Variants in NEGR1 observed in about 807,000 individuals in gnomAD.
The protein encoded by NEGR1 is neuronal growth regulator 1.
Under a neutral mutation model 40.9 loss-of-function variants are expected in NEGR1, and 10 were observed. That is an observed-to-expected ratio of 0.24 (90% CI 0.15 to 0.42). The LOEUF is 0.42. Among genes scored for constraint, NEGR1 ranks in the 10% least tolerant of loss-of-function variants. The pLI is 1.00. For synonymous variants in NEGR1, 185 were observed against 166.8 expected, an observed-to-expected ratio of 1.11 and a Z score of -0.84; for missense variants, 352 against 438.9, an observed-to-expected ratio of 0.80 and a Z score of 1.77.
At position 71,611,014 on chromosome 1, in the gene NEGR1, C is replaced by A. The variant is rs1342713091; in HGVS notation, c.788+12G>T. The A allele has an allele frequency of 6.2e-7, 1 of 1,613,174 alleles. No individual in the cohort carries two copies. Among genetic ancestry groups the A allele is most frequent in the Non-Finnish European group, 8.5e-7 (1 of 1,179,574 alleles). ...AGTGCTTAGAACACAGTAATAATCA[C>A]AAAGTCCTCACTTCTTCTCTCCTTT... is the stretch of plus-strand genomic sequence containing the variant. On this transcript the variant is annotated intron_variant, in intron 5 of 6. Coordinates refer to ENST00000357731, the MANE Select transcript of NEGR1 (RefSeq NM_173808.3).
At chr1:72,030,447 C>A (rs1646847244) in intron 1 of NEGR1, among the ~76,000 whole-genome samples, 1 of 152,024 alleles carries the variant, frequency 6.6e-6, no homozygotes, top group Non-Finnish European at 1.5e-5. Flanking sequence ...TATGGGTAGG[C>A]ATATTTAAAA....
At chr1:71,468,601 C>G (rs1363505021) in intron 6 of NEGR1, 3 of 151,970 alleles carry the variant, frequency 2.0e-5, no homozygotes, top group African/African-American at 7.2e-5. Context: ...TAAAACAGAT[C>G]TACAGCCTGC....
At chr1:71,852,989 G>A (rs1659654996) in intron 2 of NEGR1, among the ~76,000 whole-genome samples, 1 of 152,012 alleles carries the variant, frequency 6.6e-6, no homozygotes, top group African/African-American at 2.4e-5. Flanking sequence ...GTGGTATAAC[G>A]AATTTGGACA....
chr1:71,987,029 A>G (rs529980167), intron 1 of NEGR1, among the ~76,000 whole-genome samples: 1 of 152,272 alleles, frequency 6.6e-6, no homozygotes, highest in African/African-American at 2.4e-5. Context: ...CTAAAAGCAG[A>G]ATTTTGAGTG....
chr1:71,767,132 G>GT (rs1223948313), intron 3 of NEGR1, among the ~76,000 whole-genome samples: 1 of 152,192 alleles, frequency 6.6e-6, no homozygotes, highest in Non-Finnish European at 1.5e-5. Flanking sequence ...AAAGATACCT[G>GT]AAAATGTAGA....
At chr1:71,630,574 T>C (rs914194057) in intron 4 of NEGR1, among the ~76,000 whole-genome samples, 2 of 151,874 alleles carry the variant, frequency 1.3e-5, no homozygotes, top group African/African-American at 4.8e-5. Flanking sequence ...GGTTTTATGT[T>C]CTTCTTCCTG....
chr1:71,897,236 C>T (rs1660999811), intron 2 of NEGR1, among the ~76,000 whole-genome samples: 1 of 152,038 alleles, frequency 6.6e-6, no homozygotes. Context: ...TTTGACAGAA[C>T]ATCAGATTCT....
chr1:71,616,136 C>T (rs1650438736), intron 4 of NEGR1, among the ~76,000 whole-genome samples: 1 of 152,136 alleles, frequency 6.6e-6, no homozygotes, highest in Non-Finnish European at 1.5e-5. Flanking sequence ...TTGTGATGTA[C>T]ATGTATGTCT....
intron 2 of NEGR1, among the ~76,000 whole-genome samples, chr1:71,909,025 C>T (rs1474594446): frequency 6.6e-6 from 1 of 152,102 alleles, no homozygotes; most frequent in African/African-American, 2.4e-5. Context: ...GGTTTTTAAA[C>T]ATGCAACTCC....
At chr1:72,200,606 G>A (rs912135201) in intron 1 of NEGR1, among the ~76,000 whole-genome samples, 32 of 151,954 alleles carry the variant, frequency 2.1e-4, no homozygotes, top group Non-Finnish European at 4.0e-4. Flanking sequence ...AAATGTACCC[G>A]TGTAAAAAAC....
intron 6 of NEGR1, among the ~76,000 whole-genome samples, chr1:71,573,854 C>A (rs185310667): frequency 2.6e-5 from 4 of 152,198 alleles, no homozygotes; most frequent in Admixed American, 1.3e-4. Context: ...AGGACCCAAC[C>A]AGAATTCCCC....
chr1:71,672,434 G>A (rs927236823), intron 4 of NEGR1, among the ~76,000 whole-genome samples: 5 of 152,006 alleles, frequency 3.3e-5, no homozygotes, highest in Non-Finnish European at 7.4e-5. Context: ...ATTCTATTAA[G>A]GCAGAGACCA....
intron 1 of NEGR1, among the ~76,000 whole-genome samples, chr1:72,044,625 C>G (rs559542776): frequency 9.2e-5 from 14 of 151,688 alleles, no homozygotes; most frequent in Admixed American, 7.2e-4. Context: ...AATAGAGTAT[C>G]ATAAAATCAT....
chr1:71,625,705 T>G (rs1407053063), intron 4 of NEGR1, among the ~76,000 whole-genome samples: 1 of 151,676 alleles, frequency 6.6e-6, no homozygotes, highest in African/African-American at 2.4e-5. Flanking sequence ...TTTAACATAT[T>G]TGTTAGAATA....
intron 1 of NEGR1, among the ~76,000 whole-genome samples, chr1:72,197,855 A>G (rs946994204): frequency 1.3e-5 from 2 of 152,048 alleles, no homozygotes; most frequent in Non-Finnish European, 2.9e-5. Context: ...TAAGACTTTC[A>G]TTAGCCCTGG....
At chr1:72,184,448 A>T (rs1652535167) in intron 1 of NEGR1, among the ~76,000 whole-genome samples, 1 of 152,072 alleles carries the variant, frequency 6.6e-6, no homozygotes, top group South Asian at 2.1e-4. Flanking sequence ...AACAAAGAAT[A>T]AGCTCCATGA....
At chr1:71,708,672 G>A (rs1653982417) in intron 3 of NEGR1, among the ~76,000 whole-genome samples, 1 of 151,974 alleles carries the variant, frequency 6.6e-6, no homozygotes, top group South Asian at 2.1e-4. Context: ...CATGTATCAT[G>A]GTAGTTTGGC....
rs572431531 is a variant in NEGR1, at chr1:71,452,121, C to T, written c.941-44551G>A. Among the ~76,000 whole-genome samples, 26 of 152,186 alleles carry T rather than the reference C, an allele frequency of 1.7e-4. No individual in the cohort carries two copies. The South Asian group carries it at 5.2e-3, about 30-fold the overall frequency. The stretch of plus-strand genomic sequence containing the variant: ...CTTGATAAATTGTGCCATTTGTAAA[C>T]CCCCCAACACACATACACACACTCA... On this transcript the variant is annotated intron_variant, in intron 6 of 6. Transcript: ENST00000357731.
chr1:71,675,058 T>A (rs1444328694), intron 4 of NEGR1, among the ~76,000 whole-genome samples: 4 of 144,468 alleles, frequency 2.8e-5, no homozygotes, highest in Non-Finnish European at 6.0e-5. Context: ...GATACATACG[T>A]ATGTGATCTA....
Sources: gnomAD v4.1 joint callset for allele counts (sites outside exome capture counted in the v4.1 genomes callset) on GRCh38, gnomAD v4.1.1 for gene constraint, MANE v1.5 for transcripts, NCBI Gene and HGNC (gene_info 2026-07-23, HGNC 2026-07-21) for gene names.